Variants in MRPS31 observed in about 807,000 individuals in gnomAD.
The protein encoded by MRPS31 is mitochondrial ribosomal protein S31, also known as small ribosomal subunit protein mS31.
In MRPS31, 32 loss-of-function variants were observed where a neutral mutation model predicts 43.1. The ratio of observed to expected loss-of-function variants is 0.74; its 90% CI spans 0.56 to 1.00. The LOEUF is 1.00. Ranked by LOEUF, MRPS31 falls within the 50% of genes least tolerant of loss-of-function variation. MRPS31 has a pLI of 0.00. For synonymous variants in MRPS31, 165 were observed against 161.6 expected, an observed-to-expected ratio of 1.02 and a Z score of -0.16; for missense variants, 437 against 466.7, an observed-to-expected ratio of 0.94 and a Z score of 0.59.
At position 40,766,808 on chromosome 13, in the gene MRPS31, A is replaced by T; in HGVS notation, c.378T>A (p.Leu126=). The change falls in exon 2 of 7, where the codon CTT becomes CTA. Residue 126 remains leucine, a synonymous_variant. Transcript: ENST00000323563. The part of the protein sequence containing the change: ...RTTKPPKRRP[L]KSLEATLGRL... ...TGCCAAGTGTAGCTTCCAAACTTTT[A>T]AGTGGTCTTCTTTTGGGGGGCTTTG... 1 of 1,613,964 alleles carries T rather than the reference A, an allele frequency of 6.2e-7. No individual in the cohort carries two copies. Among genetic ancestry groups the T allele is most frequent in the Non-Finnish European group, 8.5e-7 (1 of 1,179,970 alleles).
intron 6 of MRPS31, among the ~76,000 whole-genome samples, chr13:40,743,230 A>T (rs762643356): frequency 2.6e-5 from 4 of 151,850 alleles, no homozygotes; most frequent in Non-Finnish European, 5.9e-5. Context: ...CAGGAGAATC[A>T]CTTGAACCCA....
At position 40,737,471 on chromosome 13, in the gene MRPS31, A is replaced by G. The variant is rs1007065306; in HGVS notation, c.959-7870T>C. Among the ~76,000 whole-genome samples the G allele has an allele frequency of 2.0e-3, 302 of 152,172 alleles. 1 individual carries two copies. The highest frequency in any genetic ancestry group is 6.7e-3 in the African/African-American group (279 of 41,468). The stretch of plus-strand genomic sequence containing the variant: ...ACAAAACTCTCCACCCCAAATCAAC[A>G]GAATATACATTTTTTTCAGCACCAC... On this transcript the variant is annotated intron_variant, in intron 6 of 6. Coordinates refer to ENST00000323563, the MANE Select transcript of MRPS31 (RefSeq NM_005830.4).
intron 6 of MRPS31, among the ~76,000 whole-genome samples, chr13:40,734,189 C>A (rs1879802332): frequency 6.6e-6 from 1 of 151,976 alleles, no homozygotes; most frequent in Admixed American, 6.6e-5. Flanking sequence ...CTCAAGTAAA[C>A]CATTAAAAAA....
At position 40,770,948 on chromosome 13, in the gene MRPS31, T is replaced by C. The variant is rs771586665; in HGVS notation, c.152+37A>G. The C allele has an allele frequency of 7.4e-6, 12 of 1,613,744 alleles. No individual in the cohort carries two copies. In the South Asian group the frequency reaches 1.1e-4, roughly 15 times the overall value. ...ACATCGACCCCAGGAAGTCGGAGGATGTACAGGACGGGGCACGGGGTTGCC... is the reference window on the plus strand; with the variant it reads ...ACATCGACCCCAGGAAGTCGGAGGACGTACAGGACGGGGCACGGGGTTGCC... On this transcript the variant is annotated intron_variant, in intron 1 of 6. Coordinates refer to ENST00000323563, the MANE Select transcript of MRPS31 (RefSeq NM_005830.4).
intron 6 of MRPS31, among the ~76,000 whole-genome samples, chr13:40,747,980 C>T (rs1880285294): frequency 6.6e-6 from 1 of 152,132 alleles, no homozygotes; most frequent in African/African-American, 2.4e-5. Flanking sequence ...ATTTCTGATA[C>T]TTAAGCTTCC....
At position 40,762,782 on chromosome 13, in the gene MRPS31, T is replaced by TTG. The variant is rs60906711; in HGVS notation, c.441-3678_441-3677dup. On this transcript the variant is annotated intron_variant, in intron 2 of 6. Transcript: ENST00000323563. ...TTCACCACCTGACATAGTATAGACA[T>TTG]TGTGTGTGTGTGTGTGTGTGTGTGT... is the stretch of plus-strand genomic sequence containing the variant. 7.8e-4 allele frequency among the ~76,000 whole-genome samples: 102 copies of TTG among 129,982 alleles called. 1 individual carries two copies. Among genetic ancestry groups the TTG allele is most frequent in the African/African-American group, 1.6e-3 (55 of 34,372 alleles). The allele number at this position is 129,982 out of a possible 152,430, so 85.3% of individuals were successfully genotyped here.
chr13:40,770,980 C>CCT lies in MRPS31; in HGVS notation c.152+3_152+4dup, dbSNP rs747898162. 2 of 1,614,096 alleles carry CCT rather than the reference C, an allele frequency of 1.2e-6. No individual in the cohort carries two copies. Among genetic ancestry groups the CCT allele is most frequent in the South Asian group, 2.2e-5 (2 of 91,076 alleles). On this transcript the variant is annotated splice_donor_region_variant and intron_variant, in intron 1 of 6. Coordinates refer to ENST00000323563, the MANE Select transcript of MRPS31 (RefSeq NM_005830.4). The stretch of plus-strand genomic sequence containing the variant: ...GACGGGGCACGGGGTTGCCTGAGGA[C>CCT]CTACCGGGCCAACAGCGCTGAACTG...
intron 2 of MRPS31, among the ~76,000 whole-genome samples, chr13:40,760,840 C>T (rs1880675861): frequency 6.6e-6 from 1 of 151,846 alleles, no homozygotes; most frequent in African/African-American, 2.4e-5. Flanking sequence ...TTTTACTATA[C>T]CTGGCTTTCT....
At chr13:40,737,049 GAC>G (rs1183033183) in intron 6 of MRPS31, among the ~76,000 whole-genome samples, 1 of 151,940 alleles carries the variant, frequency 6.6e-6, no homozygotes, top group Non-Finnish European at 1.5e-5. Flanking sequence ...CTCACGTGCA[GAC>G]ACACACATAG....
intron 5 of MRPS31, 54 bp from the exon 6 acceptor site, chr13:40,749,335 T>A (rs1300169181): frequency 1.3e-5 from 19 of 1,416,750 alleles, no homozygotes; most frequent in South Asian, 4.7e-5. Flanking sequence ...TATCTTTTTT[T>A]AAAAGTTACA....
At chr13:40,737,177 G>C (rs1490257107) in intron 6 of MRPS31, among the ~76,000 whole-genome samples, 1 of 151,186 alleles carries the variant, frequency 6.6e-6, no homozygotes, top group East Asian at 2.0e-4. Flanking sequence ...GATCAAAAGA[G>C]ACAAAGAAGG....
At chr13:40,756,646 T>G (rs1880535791) in intron 4 of MRPS31, among the ~76,000 whole-genome samples, 1 of 152,222 alleles carries the variant, frequency 6.6e-6, no homozygotes, top group African/African-American at 2.4e-5. Context: ...ATGTGAAGCA[T>G]GGCCCGTTTT....
intron 6 of MRPS31, among the ~76,000 whole-genome samples, chr13:40,741,382 T>C (rs1001743461): frequency 1.3e-5 from 2 of 152,200 alleles, no homozygotes; most frequent in African/African-American, 2.4e-5. Flanking sequence ...GTGCATAATA[T>C]ATTGAGTTCC....
chr13:40,737,382 A>C (rs544857552), intron 6 of MRPS31, among the ~76,000 whole-genome samples: 4 of 152,238 alleles, frequency 2.6e-5, no homozygotes, highest in African/African-American at 9.6e-5. Flanking sequence ...AATGAGACAG[A>C]AAGTCAACAA....
intron 6 of MRPS31, among the ~76,000 whole-genome samples, chr13:40,736,887 A>C (rs536280646): frequency 8.5e-4 from 126 of 147,860 alleles, no homozygotes; most frequent in East Asian, 6.3e-3. Flanking sequence ...CGAGCAAAAT[A>C]ACCAGCTAAC....
chr13:40,729,280 T>C lies in MRPS31; in HGVS notation c.*92A>G. The C allele has an allele frequency of 1.5e-6, 1 of 661,368 alleles. No individual in the cohort carries two copies. The highest frequency in any genetic ancestry group is 2.5e-6 in the Non-Finnish European group (1 of 398,792). The allele number at this position is 661,368 out of a possible 1,614,324, so 41.0% of individuals were successfully genotyped here. On this transcript the variant is annotated 3_prime_UTR_variant, in exon 7 of 7. Coordinates refer to ENST00000323563, the MANE Select transcript of MRPS31 (RefSeq NM_005830.4). Reference sequence around the variant, plus strand: ...TTTATACCAGCCAAATCAAATGTAATAATCAACATAACATATACAAACTCT... The same window carrying C: ...TTTATACCAGCCAAATCAAATGTAACAATCAACATAACATATACAAACTCT...
intron 1 of MRPS31, among the ~76,000 whole-genome samples, chr13:40,769,200 A>C (rs1880930872): frequency 6.6e-6 from 1 of 151,328 alleles, no homozygotes; most frequent in East Asian, 1.9e-4. Flanking sequence ...ATATGGTGAA[A>C]TCCAGTCTCT....
chr13:40,744,434 A>G (rs1226082775), intron 6 of MRPS31, among the ~76,000 whole-genome samples: 1 of 152,248 alleles, frequency 6.6e-6, no homozygotes, highest in Non-Finnish European at 1.5e-5. Flanking sequence ...GACATAAATT[A>G]AAAAGTAAAC....
At chr13:40,740,882 C>T (rs952787800) in intron 6 of MRPS31, among the ~76,000 whole-genome samples, 11 of 148,924 alleles carry the variant, frequency 7.4e-5, no homozygotes, top group Non-Finnish European at 1.3e-4. Flanking sequence ...CACATGTATA[C>T]GTATGTAACT....
Sources: gnomAD v4.1 joint callset for allele counts (sites outside exome capture counted in the v4.1 genomes callset) on GRCh38, gnomAD v4.1.1 for gene constraint, MANE v1.5 for transcripts, NCBI Gene and HGNC (gene_info 2026-07-23, HGNC 2026-07-21) for gene names.